KIF16B: variants seen among roughly 807,000 people sequenced by gnomAD.
KIF16B encodes kinesin family member 16B.
In KIF16B, 98 loss-of-function variants were observed where a neutral mutation model predicts 156.3. That is an observed-to-expected ratio of 0.63 (90% CI 0.53 to 0.74). The LOEUF is 0.74. KIF16B is among the 30% of genes least tolerant of loss of function. The pLI, the probability that KIF16B is intolerant of heterozygous loss-of-function variation, is 0.00. For synonymous variants in KIF16B, 564 were observed against 583.7 expected, an observed-to-expected ratio of 0.97 and a Z score of 0.49; for missense variants, 1,421 against 1,606.5, an observed-to-expected ratio of 0.88 and a Z score of 1.97.
At chr20:16,410,098 TATATATATGTAGGTAC>T in intron 15 of KIF16B, among the ~76,000 whole-genome samples, 1 of 124,726 alleles carries the variant, frequency 8.0e-6, no homozygotes, top group African/African-American at 3.0e-5. Flanking sequence ...TAGGTACATA[TATATATATGTAGGTAC>T]ATATATATAT....
At chr20:16,325,867 C>A (rs1398302834) in intron 24 of KIF16B, among the ~76,000 whole-genome samples, 1 of 152,030 alleles carries the variant, frequency 6.6e-6, no homozygotes, top group Admixed American at 6.6e-5. Flanking sequence ...AAGAACAAAT[C>A]TAGAGGTGTC....
At position 16,518,091 on chromosome 20, in the gene KIF16B, G is replaced by A. The variant is rs188101836; in HGVS notation, c.232-2427C>T. Among the ~76,000 whole-genome samples, 7 of 152,212 alleles carry A rather than the reference G, an allele frequency of 4.6e-5. No individual in the cohort carries two copies. The East Asian group carries it at 1.4e-3, about 29-fold the overall frequency. ...GGCCAGGAGACATGACTGCAAACGG[G>A]TCTAGAAAATCCAGGTCTGGAGGCG... On this transcript the variant is annotated intron_variant, in intron 3 of 25. Coordinates refer to ENST00000354981, the MANE Select transcript of KIF16B (RefSeq NM_024704.5).
intron 12 of KIF16B, among the ~76,000 whole-genome samples, chr20:16,456,442 TAC>T (rs149717403): frequency 3.3e-5 from 5 of 150,964 alleles, no homozygotes; most frequent in Admixed American, 1.3e-4. Context: ...CCAATTAAGA[TAC>T]ACACACACAC....
intron 12 of KIF16B, among the ~76,000 whole-genome samples, chr20:16,488,426 A>G (rs186049725): frequency 6.6e-6 from 1 of 152,342 alleles, no homozygotes; most frequent in East Asian, 1.9e-4. Flanking sequence ...TGTTCATAAA[A>G]CGCTGGAACA....
intron 15 of KIF16B, among the ~76,000 whole-genome samples, chr20:16,409,982 T>TATATATGTAGGTAC (rs1555877432): frequency 0.027 from 1,513 of 55,498 alleles, 185 homozygotes; most frequent in East Asian, 0.043. Context: ...TATATATATA[T>TATATATGTAGGTAC]ATATATATAT....
chr20:16,431,573 G>A (rs780731633), intron 12 of KIF16B, among the ~76,000 whole-genome samples: 6 of 152,030 alleles, frequency 3.9e-5, no homozygotes, highest in African/African-American at 1.2e-4. Context: ...TCTGGACTGC[G>A]GCACAGTTGT....
At chr20:16,415,665 C>T (rs754285939) in intron 15 of KIF16B, among the ~76,000 whole-genome samples, 6 of 152,130 alleles carry the variant, frequency 3.9e-5, no homozygotes, top group Non-Finnish European at 7.4e-5. Context: ...CCCTCCATCC[C>T]CTTTCCAGTC....
intron 9 of KIF16B, among the ~76,000 whole-genome samples, 199 bp from the exon 10 acceptor site, chr20:16,504,746 G>T (rs2068725385): frequency 6.6e-6 from 1 of 151,878 alleles, no homozygotes; most frequent in Non-Finnish European, 1.5e-5. Flanking sequence ...GTGTCATTTT[G>T]CTCTTCTCAA....
chr20:16,423,080 A>G (rs1163566222), intron 15 of KIF16B, among the ~76,000 whole-genome samples: 1 of 152,148 alleles, frequency 6.6e-6, no homozygotes, highest in Non-Finnish European at 1.5e-5. Context: ...ATGTGTTTTC[A>G]TTTTAGGTAA....
chr20:16,342,492 C>A (rs762318580), intron 23 of KIF16B, among the ~76,000 whole-genome samples: 1 of 152,146 alleles, frequency 6.6e-6, no homozygotes, highest in Non-Finnish European at 1.5e-5. Context: ...GCATGGCCTA[C>A]TGGAGTCTTG....
At chr20:16,315,522 AAG>A (rs765796236) in intron 24 of KIF16B, among the ~76,000 whole-genome samples, 13 of 152,192 alleles carry the variant, frequency 8.5e-5, no homozygotes, top group Non-Finnish European at 1.8e-4. Context: ...AAAGATGAAA[AAG>A]AGTGATTCCT....
intron 12 of KIF16B, among the ~76,000 whole-genome samples, chr20:16,481,955 G>C (rs147590054): frequency 1.3e-5 from 2 of 152,108 alleles, no homozygotes; most frequent in Non-Finnish European, 2.9e-5. Context: ...TGATAGGTAC[G>C]ATTACTGTCT....
intron 1 of KIF16B, among the ~76,000 whole-genome samples, chr20:16,540,543 C>G (rs2070156948): frequency 6.6e-6 from 1 of 152,170 alleles, no homozygotes; most frequent in African/African-American, 2.4e-5. Context: ...ATGAAACAGA[C>G]AGCTCCTCGT....
At chr20:16,336,705 A>G (rs6111060) in intron 23 of KIF16B, among the ~76,000 whole-genome samples, 83,635 of 151,966 alleles carry the variant, frequency 0.55, 23,679 homozygotes, top group East Asian at 0.94. Context: ...CAGCTCTGGT[A>G]TTCTCCATTT....
intron 25 of KIF16B, among the ~76,000 whole-genome samples, chr20:16,306,707 C>T (rs934699074): frequency 6.6e-6 from 1 of 152,116 alleles, no homozygotes; most frequent in Non-Finnish European, 1.5e-5. Flanking sequence ...CTTAAAACAG[C>T]TCTGAAATGC....
At chr20:16,468,196 T>C (rs146988206) in intron 12 of KIF16B, among the ~76,000 whole-genome samples, 116 of 152,300 alleles carry the variant, frequency 7.6e-4, no homozygotes, top group Non-Finnish European at 1.2e-3. Flanking sequence ...ACCATGCTAC[T>C]CTAATCAAAA....
At chr20:16,278,392 T>C (rs557889562) in intron 25 of KIF16B, among the ~76,000 whole-genome samples, 1 of 152,224 alleles carries the variant, frequency 6.6e-6, no homozygotes, top group South Asian at 2.1e-4. Context: ...TCTATCTAGG[T>C]TATTTACTTT....
Position 16,349,481 on chromosome 20 carries a change from G to A in KIF16B, c.3621+6849C>T, listed in dbSNP as rs904515134. On this transcript the variant is annotated intron_variant, in intron 23 of 25. Coordinates refer to ENST00000354981, the MANE Select transcript of KIF16B (RefSeq NM_024704.5). ...AAGAGGAGCTGCTGTTTTGCCCTAC[G>A]AGTGCTGCCTTGCAGGAATGTTGGC... 4.6e-5 allele frequency among the ~76,000 whole-genome samples: 7 copies of A among 152,222 alleles called. No individual in the cohort carries two copies. In the East Asian group the frequency reaches 5.8e-4, roughly 13 times the overall value.
At position 16,515,543 on chromosome 20, in the gene KIF16B, C is replaced by T. The variant is rs778386338; in HGVS notation, c.348+5G>A. On this transcript the variant is annotated splice_donor_5th_base_variant and intron_variant, in intron 4 of 25. Coordinates refer to ENST00000354981, the MANE Select transcript of KIF16B (RefSeq NM_024704.5). ...TTTCCTTCCCACACAGTATAAACAA[C>T]GTACAGAATTTCCCATCATAGTGTA... The T allele has an allele frequency of 1.3e-5, 19 of 1,441,312 alleles. No individual in the cohort carries two copies. Among genetic ancestry groups the T allele is most frequent in the South Asian group, 4.6e-5 (4 of 87,558 alleles). The allele number at this position is 1,441,312 out of a possible 1,614,324, so 89.3% of individuals were successfully genotyped here.
Sources: gnomAD v4.1 joint callset for allele counts (sites outside exome capture counted in the v4.1 genomes callset) on GRCh38, gnomAD v4.1.1 for gene constraint, MANE v1.5 for transcripts, NCBI Gene and HGNC (gene_info 2026-07-23, HGNC 2026-07-21) for gene names.